The following AGMO variants were observed in gnomAD, a reference collection of about 807,000 sequenced individuals.
AGMO encodes the protein glyceryl-ether monooxygenase.
Under a neutral mutation model 60.2 loss-of-function variants are expected in AGMO, and 75 were observed. That is an observed-to-expected ratio of 1.25 (90% confidence interval 1.03 to 1.51). The LOEUF is 1.51. AGMO is among the 40% of genes most tolerant of loss of function. The pLI is 0.00. For missense variants in AGMO, 763 were observed against 525.5 expected, an observed-to-expected ratio of 1.45 and a Z score of -4.42; for synonymous variants, 261 against 177.1, an observed-to-expected ratio of 1.47 and a Z score of -3.76.
chr7:15,192,155 G>A, the AGMO span, among the ~76,000 whole-genome samples: 1 of 151,834 alleles, frequency 6.6e-6, no homozygotes, highest in East Asian at 1.9e-4. Context: ...TGGGATTCCC[G>A]ACCAAAGGCC....
chr7:15,219,748 AGGG>A (rs1431240817), intron 12 of AGMO, among the ~76,000 whole-genome samples: 16 of 152,176 alleles, frequency 1.1e-4, no homozygotes, highest in Non-Finnish European at 2.1e-4. Flanking sequence ...CAGTGGCCAG[AGGG>A]AAAGTAGTAT....
intron 2 of AGMO, among the ~76,000 whole-genome samples, chr7:15,556,788 T>C (rs147805862): frequency 0.014 from 2,180 of 152,192 alleles, 57 homozygotes; most frequent in African/African-American, 0.051. Context: ...TGCAACTAAT[T>C]GTTAGAAACG....
At chr7:15,342,172 T>TAAAAAAAAAAAAAAAAAAAA (rs775057626) in intron 12 of AGMO, among the ~76,000 whole-genome samples, 4 of 54,304 alleles carry the variant, frequency 7.4e-5, no homozygotes, top group African/African-American at 2.8e-4. Context: ...CCCACAGAGT[T>TAAAAAAAAAAAAAAAAAAAA]AAAAAAAAAA....
At chr7:15,250,559 ACAC>A (rs1782899892) in intron 12 of AGMO, among the ~76,000 whole-genome samples, 1 of 5,434 alleles carries the variant, frequency 1.8e-4, no homozygotes, top group African/African-American at 7.2e-4. Context: ...CACACTAAAC[ACAC>A]ACACACACAC....
chr7:15,292,924 A>ATT (rs199915825), intron 12 of AGMO, among the ~76,000 whole-genome samples: 11 of 147,840 alleles, frequency 7.4e-5, no homozygotes, highest in Non-Finnish European at 1.2e-4. Flanking sequence ...AATCCAGCTA[A>ATT]TTTTTTTTTT....
At chr7:15,508,746 T>A (rs1377374191) in intron 3 of AGMO, among the ~76,000 whole-genome samples, 1 of 151,946 alleles carries the variant, frequency 6.6e-6, no homozygotes, top group Non-Finnish European at 1.5e-5. Context: ...AAAAAAAAAG[T>A]TTTTTTAACA....
intron 3 of AGMO, among the ~76,000 whole-genome samples, chr7:15,448,957 C>A (rs1781784138): frequency 6.6e-6 from 1 of 152,146 alleles, no homozygotes; most frequent in Non-Finnish European, 1.5e-5. Flanking sequence ...TTTTCAAGAT[C>A]ATAGCTACTA....
intron 5 of AGMO, among the ~76,000 whole-genome samples, chr7:15,394,803 T>C (rs1261787461): frequency 2.0e-5 from 3 of 152,196 alleles, no homozygotes; most frequent in Admixed American, 6.5e-5. Flanking sequence ...AATAGAATCC[T>C]AAATCATCTC....
intron 3 of AGMO, among the ~76,000 whole-genome samples, chr7:15,535,303 G>A (rs1784460704): frequency 6.6e-6 from 1 of 151,780 alleles, no homozygotes; most frequent in African/African-American, 2.4e-5. Context: ...AGAAAAATAA[G>A]TTATTCCTAT....
intron 12 of AGMO, among the ~76,000 whole-genome samples, chr7:15,221,680 C>CT (rs1583303148): frequency 1.3e-5 from 2 of 152,076 alleles, no homozygotes; most frequent in South Asian, 4.1e-4. Flanking sequence ...TATGGAAGCT[C>CT]TTTTTTGTAA....
At chr7:15,396,027 A>G (rs1163313790) in intron 5 of AGMO, 1 of 152,130 alleles carries the variant, frequency 6.6e-6, no homozygotes, top group Admixed American at 6.5e-5. Flanking sequence ...TCTCCCTATT[A>G]AGCACATTGT....
rs944421131 is a variant in AGMO at position 15,401,552 on chromosome 7, A to G, written c.610-7373T>C. Among the ~76,000 whole-genome samples the G allele has an allele frequency of 2.6e-5, 4 of 152,138 alleles. 1 individual carries two copies. Among genetic ancestry groups the G allele is most frequent in the African/African-American group, 9.7e-5 (4 of 41,444 alleles). On this transcript the variant is annotated intron_variant, in intron 5 of 12. Coordinates refer to ENST00000342526, the MANE Select transcript of AGMO (RefSeq NM_001004320.2). Reference sequence around the variant, plus strand: ...TCCTAAATATTGGGAATGTCACATAATATTTCTATTATTCAATTTTTACAT... The same window carrying G: ...TCCTAAATATTGGGAATGTCACATAGTATTTCTATTATTCAATTTTTACAT...
At chr7:15,525,510 G>A (rs940454775) in intron 3 of AGMO, among the ~76,000 whole-genome samples, 3 of 151,962 alleles carry the variant, frequency 2.0e-5, no homozygotes, top group East Asian at 1.9e-4. Context: ...TTCTGAGCCC[G>A]TAAAAGCCCC....
At chr7:15,131,617 G>A in the AGMO span, among the ~76,000 whole-genome samples, 1 of 152,054 alleles carries the variant, frequency 6.6e-6, no homozygotes, top group South Asian at 2.1e-4. Context: ...TCCACAAATA[G>A]TACATGATAT....
At chr7:15,557,465 A>C (rs531101742) in intron 2 of AGMO, among the ~76,000 whole-genome samples, 1 of 152,146 alleles carries the variant, frequency 6.6e-6, no homozygotes, top group African/African-American at 2.4e-5. Context: ...ATTCCCCTTG[A>C]TGCTGTGGCT....
rs78867884 is a variant in AGMO at position 15,297,630 on chromosome 7, T to C, written c.1263+67884A>G. On this transcript the variant is annotated intron_variant, in intron 12 of 12. Coordinates refer to ENST00000342526, the MANE Select transcript of AGMO (RefSeq NM_001004320.2). ...AAATAAAAATATCTAACTAGCTTAA[T>C]CCTTTTCCTGGGAAAAGAAAAATAT... Among the ~76,000 whole-genome samples the C allele has an allele frequency of 5.9e-5, 9 of 152,328 alleles. No homozygotes were observed. In the East Asian group the frequency reaches 1.7e-3, roughly 29 times the overall value.
chr7:15,215,760 G>T (rs76943594), intron 12 of AGMO, among the ~76,000 whole-genome samples: 2,225 of 152,094 alleles, frequency 0.015, 50 homozygotes, highest in African/African-American at 0.051. Context: ...CCACAACATG[G>T]AACACATTAA....
chr7:15,239,413 G>T lies in AGMO; in HGVS notation c.1264-38054C>A, dbSNP rs568827863. On this transcript the variant is annotated intron_variant, in intron 12 of 12. Transcript: ENST00000342526. Reference sequence around the variant, plus strand: ...TATTAAGCAAGTTGCTTGGGTTAGAGTCTCCAGGGATAGTAAAATCATGCT... The same window carrying T: ...TATTAAGCAAGTTGCTTGGGTTAGATTCTCCAGGGATAGTAAAATCATGCT... Among the ~76,000 whole-genome samples the T allele has an allele frequency of 2.6e-5, 4 of 152,190 alleles. No individual in the cohort carries two copies. In the East Asian group the frequency reaches 7.7e-4, roughly 29 times the overall value.
rs71004377 is a variant in AGMO at position 15,375,386 on chromosome 7, ATTTTTTTTTTTTT to A, written c.1075-9177_1075-9165del. Among the ~76,000 whole-genome samples the A allele has an allele frequency of 8.2e-5, 9 of 109,452 alleles. No homozygotes were observed. The East Asian group carries it at 1.4e-3, about 18-fold the overall frequency. 71.8% of individuals were successfully genotyped at this position (109,452 alleles called of 152,430 possible). On this transcript the variant is annotated intron_variant, in intron 10 of 12. Transcript: ENST00000342526. ...CAGATCAGACTTTCTTTCTAAAAGG[ATTTTTTTTTTTTT>A]TTTTTTTTTTTTTTGAGACAGAGTC...
Sources: gnomAD v4.1 joint callset for allele counts (sites outside exome capture counted in the v4.1 genomes callset) on GRCh38, gnomAD v4.1.1 for gene constraint, MANE v1.5 for transcripts, NCBI Gene and HGNC (gene_info 2026-07-23, HGNC 2026-07-21) for gene names.